The following CBFA2T3 variants were observed in gnomAD, a reference collection of about 807,000 sequenced individuals.
CBFA2T3 encodes CBFA2/RUNX1 partner transcriptional co-repressor 3.
CBFA2T3 carries 31 observed loss-of-function variants against 58.6 expected under a neutral mutation model. The observed-to-expected ratio is 0.53, with a 90% CI of 0.40 to 0.71. The LOEUF (loss-of-function observed/expected upper bound fraction) is 0.71, where lower values mean the gene tolerates loss of function less well. Ranked by LOEUF, CBFA2T3 falls within the 30% of genes least tolerant of loss-of-function variation. CBFA2T3 has a pLI of 0.00. For synonymous variants in CBFA2T3, 531 were observed against 421.9 expected (o/e 1.26, Z -3.17); for missense variants, 1,076 against 963.1 (o/e 1.12, Z -1.55).
chr16:88,879,459 T>C lies in CBFA2T3; in HGVS notation c.1473A>G (p.Glu491=), dbSNP rs1447994074. 6.2e-7 allele frequency: 1 copy of C among 1,609,094 alleles called. No individual in the cohort carries two copies. Among genetic ancestry groups the C allele is most frequent in the East Asian group, 2.2e-5 (1 of 44,740 alleles). ...YVPEDIWRKA[E]EAVNEVKRQA... is the part of the protein sequence containing the mutation. ...GCCGCTTCACCTCATTCACGGCCTC[T>C]TCTGCAAAGGACATGGGCAGGGCTG... Residue 491 remains glutamate, a splice_region_variant and synonymous_variant, in exon 11 of 12, where the codon GAA becomes GAG. Coordinates refer to ENST00000268679, the MANE Select transcript of CBFA2T3 (RefSeq NM_005187.6).
chr16:88,950,389 G>A (rs1425220115), intron 1 of CBFA2T3: 4 of 409,076 alleles, frequency 9.8e-6, no homozygotes, highest in East Asian at 7.9e-5. Context: ...CCTGTCTTCC[G>A]GGTCAGTTCA....
chr16:88,883,567 A>T (rs1263619616), intron 7 of CBFA2T3: 1 of 152,036 alleles, frequency 6.6e-6, no homozygotes, highest in Non-Finnish European at 1.5e-5. Context: ...AGAAACTAAG[A>T]CGTGAGTGAC....
intron 5 of CBFA2T3, among the ~76,000 whole-genome samples, chr16:88,888,575 G>GA (rs1969488990): frequency 1.2e-5 from 1 of 86,680 alleles, no homozygotes; most frequent in Non-Finnish European, 2.3e-5. Context: ...GGGTGGGGTG[G>GA]GAGGGGGTGG....
chr16:88,949,459 T>A (rs1300424342), intron 1 of CBFA2T3, among the ~76,000 whole-genome samples: 1 of 151,302 alleles, frequency 6.6e-6, no homozygotes, highest in Non-Finnish European at 1.5e-5. Flanking sequence ...TTCGGGAGGC[T>A]GAAGCAGGAG....
rs1488758405 is a variant in CBFA2T3, at chr16:88,882,587, TGTGCATGGCTGTGTGTGC to T, written c.1203+71_1203+88del. On this transcript the variant is annotated intron_variant, in intron 8 of 11. Coordinates refer to ENST00000268679, the MANE Select transcript of CBFA2T3 (RefSeq NM_005187.6). ...GGGCATGGCTGTGGGCGTGGCTGTG[TGTGCATGGCTGTGTGTGC>T]GTGGCTGTGTGTGTGCGTGGCTGTG... 110 of 416,174 alleles carry T rather than the reference TGTGCATGGCTGTGTGTGC, an allele frequency of 2.6e-4. No individual in the cohort carries two copies. The East Asian group carries it at 6.5e-3, about 25-fold the overall frequency. 25.8% of individuals were successfully genotyped at this position (416,174 alleles called of 1,614,324 possible).
chr16:88,897,725 T>A (rs1056295890), intron 3 of CBFA2T3, among the ~76,000 whole-genome samples: 6 of 152,180 alleles, frequency 3.9e-5, no homozygotes, highest in African/African-American at 1.4e-4. Flanking sequence ...GCCCTAGCAA[T>A]AGCTGAGCTA....
chr16:88,917,684 G>A (rs929117569), intron 1 of CBFA2T3, among the ~76,000 whole-genome samples: 24 of 152,310 alleles, frequency 1.6e-4, no homozygotes, highest in African/African-American at 4.3e-4. Flanking sequence ...AGGGTCTGGC[G>A]GCTCATGGTG....
In CBFA2T3 at chr16:88,882,257, G is replaced by T. The variant is rs139961908; in HGVS notation, c.1203+419C>A. Among the ~76,000 whole-genome samples, 90 of 152,372 alleles carry T rather than the reference G, an allele frequency of 5.9e-4. 3 individuals are homozygous for T. The South Asian group carries it at 0.012, about 20-fold the overall frequency. On this transcript the variant is annotated intron_variant, in intron 8 of 11. Transcript: ENST00000268679. ...CAGCAGCCCCAGGCCCCATGGGGCA[G>T]AGCCATGGCCGTGTTTATGCATAGG...
chr16:88,886,198 A>G (rs1969365684), intron 5 of CBFA2T3, 56 bp from the exon 6 acceptor site: 1 of 1,307,762 alleles, frequency 7.6e-7, no homozygotes, highest in African/African-American at 1.5e-5. Context: ...AGCCCTGCTC[A>G]GGTCCGAGCA....
At chr16:88,944,351 A>C (rs1254340510) in intron 1 of CBFA2T3, among the ~76,000 whole-genome samples, 4 of 150,954 alleles carry the variant, frequency 2.6e-5, no homozygotes, top group African/African-American at 9.7e-5. Context: ...AAAAAAAAAA[A>C]AAAAAAAAGG....
chr16:88,967,113 C>CT (rs1555545819), intron 1 of CBFA2T3, among the ~76,000 whole-genome samples: 1 of 143,432 alleles, frequency 7.0e-6, no homozygotes, highest in East Asian at 2.0e-4. Context: ...ACCCCCAACC[C>CT]CCAACCCCCG....
At position 88,956,667 on chromosome 16, in the gene CBFA2T3, A is replaced by T. The variant is rs1181036915; in HGVS notation, c.151+19990T>A. On this transcript the variant is annotated intron_variant, in intron 1 of 11. Transcript: ENST00000268679. Reference sequence around the variant, plus strand: ...CATTACCCCAACCTGCAGCTGCCCCACCTGGCCTGGTGTCTGTTACTGGTG... The same window carrying T: ...CATTACCCCAACCTGCAGCTGCCCCTCCTGGCCTGGTGTCTGTTACTGGTG... Among the ~76,000 whole-genome samples the T allele has an allele frequency of 2.0e-5, 3 of 152,128 alleles. No homozygotes were observed. In the East Asian group the frequency reaches 5.8e-4, roughly 29 times the overall value.
chr16:88,916,082 G>A (rs1179475048), intron 1 of CBFA2T3, among the ~76,000 whole-genome samples: 2 of 151,652 alleles, frequency 1.3e-5, no homozygotes, highest in Non-Finnish European at 2.9e-5. Context: ...TCATGCATGT[G>A]TGTATTCATG....
chr16:88,892,222 C>CG lies in CBFA2T3; in HGVS notation c.621+21dup, dbSNP rs754531584. 5 of 1,599,234 alleles carry CG rather than the reference C, an allele frequency of 3.1e-6. No homozygotes were observed. In the Admixed American group the frequency reaches 8.4e-5, roughly 27 times the overall value. On this transcript the variant is annotated intron_variant, in intron 4 of 11. Coordinates refer to ENST00000268679, the MANE Select transcript of CBFA2T3 (RefSeq NM_005187.6). ...AGGGAATATGCATGTCCCAAGGCCC[C>CG]GGCTGTCCCTGCCCAACTCACCACC...
intron 1 of CBFA2T3, among the ~76,000 whole-genome samples, chr16:88,936,236 T>C (rs1398720436): frequency 6.6e-6 from 1 of 152,136 alleles, no homozygotes; most frequent in Non-Finnish European, 1.5e-5. Context: ...GGGCATTTCC[T>C]GGGCGTCTCC....
At chr16:88,912,253 C>T (rs1272151477) in intron 1 of CBFA2T3, among the ~76,000 whole-genome samples, 1 of 152,224 alleles carries the variant, frequency 6.6e-6, no homozygotes, top group Non-Finnish European at 1.5e-5. Flanking sequence ...ACCAAGAAGG[C>T]TCTCTGGATA....
chr16:88,889,511 G>A (rs901557550), intron 5 of CBFA2T3, among the ~76,000 whole-genome samples: 4 of 151,924 alleles, frequency 2.6e-5, no homozygotes, highest in East Asian at 1.9e-4. Flanking sequence ...GCCCTGGGAC[G>A]ACCAGGGCGT....
chr16:88,879,631 G>A (rs1010973641), intron 10 of CBFA2T3, 171 bp from the exon 11 acceptor site: 5 of 614,576 alleles, frequency 8.1e-6, no homozygotes, highest in South Asian at 2.0e-5. Context: ...CTGAACACAC[G>A]TAGCATCTGT....
chr16:88,934,848 TC>T (rs1478184084), intron 1 of CBFA2T3, among the ~76,000 whole-genome samples: 4 of 152,172 alleles, frequency 2.6e-5, no homozygotes, highest in Non-Finnish European at 5.9e-5. Context: ...CACGCTATTC[TC>T]CTGCCTCAGC....
Sources: allele counts gnomAD v4.1 joint callset (sites outside exome capture counted in the v4.1 genomes callset), GRCh38; gene constraint gnomAD v4.1.1; transcripts MANE v1.5; gene names NCBI Gene and HGNC (gene_info 2026-07-23, HGNC 2026-07-21).